TECRL: variants seen among roughly 807,000 people sequenced by gnomAD.
The protein encoded by TECRL is trans-2,3-enoyl-CoA reductase-like.
A neutral mutation model predicts 52.8 loss-of-function variants in TECRL; 63 were observed. That is an observed-to-expected ratio of 1.19 (90% CI 0.97 to 1.47). The LOEUF (loss-of-function observed/expected upper bound fraction) is 1.47, where lower values mean the gene tolerates loss of function less well. Ranked by LOEUF, TECRL falls within the 40% of genes most tolerant of loss-of-function variation. The pLI is 0.00. For synonymous variants in TECRL, 164 were observed against 141.9 expected, an observed-to-expected ratio of 1.16 and a Z score of -1.10; for missense variants, 482 against 429.6, an observed-to-expected ratio of 1.12 and a Z score of -1.08.
chr4:64,363,132 G>T (rs2109622835), intron 2 of TECRL, among the ~76,000 whole-genome samples: 1 of 151,900 alleles, frequency 6.6e-6, no homozygotes, highest in Non-Finnish European at 1.5e-5. Flanking sequence ...AATTCAAAAA[G>T]ACTTAACTAT....
chr4:64,278,357 C>G lies in TECRL; in HGVS notation c.*1715G>C, dbSNP rs1722652743. Reference sequence around the variant, plus strand: ...GACATAATACCTATGACACATCTCACTAACAGATTGAACAATAAAAGAATT... The same window carrying G: ...GACATAATACCTATGACACATCTCAGTAACAGATTGAACAATAAAAGAATT... On this transcript the variant is annotated 3_prime_UTR_variant, in exon 12 of 12. Transcript: ENST00000381210. The G allele has an allele frequency of 9.7e-6, 2 of 206,028 alleles. No individual in the cohort carries two copies. The highest frequency in any genetic ancestry group is 8.5e-6 in the Non-Finnish European group (1 of 117,694). 12.8% of individuals were successfully genotyped at this position (206,028 alleles called of 1,614,324 possible).
At position 64,280,166 on chromosome 4, in the gene TECRL, A is replaced by T. The variant is rs780720827; in HGVS notation, c.998T>A (p.Met333Lys). 41 of 1,597,722 alleles carry T rather than the reference A, an allele frequency of 2.6e-5. No individual in the cohort carries two copies. Among genetic ancestry groups the T allele is most frequent in the Non-Finnish European group, 3.4e-5 (40 of 1,173,064 alleles). ...ATGTTTCTTTTGTGCCCACAAAGAC[A>T]TCTGGATACTCATCAGAAGTGTAAA... is the stretch of plus-strand genomic sequence containing the variant. ...GIFTLLMSIQ[M>K]SLWAQKKHKI... Residue 333 changes from methionine (M) to lysine (K), a missense_variant, in exon 12 of 12, where the codon ATG becomes AAG. Met to Lys is a moderately conservative substitution (Grantham distance 95). Transcript: ENST00000381210.
chr4:64,403,085 C>G (rs1286321371), intron 1 of TECRL, among the ~76,000 whole-genome samples: 2 of 151,936 alleles, frequency 1.3e-5, no homozygotes, highest in Non-Finnish European at 2.9e-5. Flanking sequence ...GTTCCTATCT[C>G]TCTGGTACAT....
At chr4:64,321,122 T>G (rs1560497383) in intron 4 of TECRL, among the ~76,000 whole-genome samples, 1 of 152,064 alleles carries the variant, frequency 6.6e-6, no homozygotes, top group African/African-American at 2.4e-5. Flanking sequence ...TTAAAGTTTT[T>G]CACACAGAAA....
chr4:64,382,233 ATAG>A (rs1280841876), intron 1 of TECRL, among the ~76,000 whole-genome samples: 16 of 2,364 alleles, frequency 6.8e-3, no homozygotes, highest in East Asian at 0.083. Context: ...ATATATATAT[ATAG>A]TATTATGTAT....
intron 4 of TECRL, among the ~76,000 whole-genome samples, chr4:64,314,990 T>G (rs1717389044): frequency 6.6e-6 from 1 of 152,180 alleles, no homozygotes; most frequent in South Asian, 2.1e-4. Flanking sequence ...CCTAATAAAC[T>G]GGTTTCTTTC....
intron 2 of TECRL, among the ~76,000 whole-genome samples, chr4:64,361,548 G>A (rs1045860790): frequency 1.3e-5 from 2 of 152,122 alleles, no homozygotes; most frequent in African/African-American, 4.8e-5. Flanking sequence ...GAACAAAGCT[G>A]CAGGCCTGGG....
chr4:64,305,281 T>G (rs1450853656), intron 6 of TECRL, 43 bp from the exon 7 acceptor site: 1 of 1,542,516 alleles, frequency 6.5e-7, no homozygotes, highest in Admixed American at 1.7e-5. Flanking sequence ...GAAAAATATG[T>G]AATATATATT....
intron 11 of TECRL, among the ~76,000 whole-genome samples, chr4:64,280,831 C>T (rs538363817): frequency 6.6e-6 from 1 of 152,142 alleles, no homozygotes; most frequent in Admixed American, 6.5e-5. Context: ...GATTACAATC[C>T]CTGGCTTGGA....
intron 8 of TECRL, among the ~76,000 whole-genome samples, chr4:64,293,980 A>AT (rs1723536889): frequency 7.1e-6 from 1 of 140,138 alleles, no homozygotes; most frequent in African/African-American, 2.7e-5. Flanking sequence ...ATATATATAT[A>AT]AAATATATAT....
chr4:64,326,941 C>CT (rs372335593), intron 3 of TECRL, among the ~76,000 whole-genome samples: 1 of 151,898 alleles, frequency 6.6e-6, no homozygotes. Flanking sequence ...TTGGTATTGC[C>CT]TTTTTTTCTT....
At chr4:64,286,708 G>T (rs1041685506) in intron 9 of TECRL, among the ~76,000 whole-genome samples, 1 of 152,010 alleles carries the variant, frequency 6.6e-6, no homozygotes, top group Non-Finnish European at 1.5e-5. Context: ...AGAGAATTAG[G>T]TTGGCATCTG....
intron 4 of TECRL, among the ~76,000 whole-genome samples, chr4:64,320,299 C>T (rs1029223964): frequency 4.0e-5 from 6 of 151,720 alleles, no homozygotes; most frequent in African/African-American, 1.2e-4. Flanking sequence ...GATTATTTCC[C>T]TATTATATTA....
intron 11 of TECRL, among the ~76,000 whole-genome samples, chr4:64,280,510 T>A (rs893304244): frequency 6.6e-6 from 1 of 152,162 alleles, no homozygotes; most frequent in South Asian, 2.1e-4. Context: ...TGTATGCATA[T>A]AATATTCCTC....
At chr4:64,399,729 GC>G (rs1724218577) in intron 1 of TECRL, among the ~76,000 whole-genome samples, 1 of 152,154 alleles carries the variant, frequency 6.6e-6, no homozygotes, top group South Asian at 2.1e-4. Context: ...TTTTAAGCCT[GC>G]AGGTGCACAA....
chr4:64,332,571 G>A (rs1394184561), intron 2 of TECRL, among the ~76,000 whole-genome samples: 1 of 152,144 alleles, frequency 6.6e-6, no homozygotes, highest in Non-Finnish European at 1.5e-5. Context: ...GTATTATAGA[G>A]ATTCACCAAC....
intron 1 of TECRL, among the ~76,000 whole-genome samples, chr4:64,385,825 T>C (rs1037587759): frequency 6.6e-6 from 1 of 152,184 alleles, no homozygotes; most frequent in African/African-American, 2.4e-5. Flanking sequence ...GCTGAGGGGC[T>C]ATCCCAGGGC....
At chr4:64,302,412 C>T (rs995496900) in intron 7 of TECRL, among the ~76,000 whole-genome samples, 6 of 151,018 alleles carry the variant, frequency 4.0e-5, no homozygotes, top group African/African-American at 1.2e-4. Flanking sequence ...GCAGTGTCAA[C>T]TATGACGAAA....
chr4:64,336,776 A>G (rs1031717578), intron 2 of TECRL, among the ~76,000 whole-genome samples: 20 of 152,206 alleles, frequency 1.3e-4, no homozygotes, highest in African/African-American at 4.8e-4. Flanking sequence ...CCCAGTAGTC[A>G]TTGAGGAGCA....
Sources: allele counts gnomAD v4.1 joint callset (sites outside exome capture counted in the v4.1 genomes callset), GRCh38; gene constraint gnomAD v4.1.1; transcripts MANE v1.5; gene names NCBI Gene and HGNC (gene_info 2026-07-23, HGNC 2026-07-21).